ZNF470: variants seen among roughly 807,000 people sequenced by gnomAD.
ZNF470 encodes the protein zinc finger protein 470.
A neutral mutation model predicts 13.9 loss-of-function variants in ZNF470; 13 were observed. The ratio of observed to expected loss-of-function variants is 0.94; its 90% confidence interval spans 0.61 to 1.49. The LOEUF (loss-of-function observed/expected upper bound fraction) is 1.49, where lower values mean the gene tolerates loss of function less well. ZNF470 is among the 40% of genes most tolerant of loss of function. ZNF470 has a pLI of 0.00. For missense variants in ZNF470, 929 were observed against 857.3 expected (o/e 1.08, Z -1.04); for synonymous variants, 293 against 282.9 (o/e 1.04, Z -0.36).
In ZNF470 at chr19:56,582,156, G is replaced by A. The variant is rs1008593932; in HGVS notation, c.*3573G>A. On this transcript the variant is annotated 3_prime_UTR_variant, in exon 6 of 6. Coordinates refer to ENST00000330619, the MANE Select transcript of ZNF470 (RefSeq NM_001001668.4). ...TATTCTAGACTGGAAAGCATCTCAT[G>A]GTGTGCGATGAGCAAACGCCTGATT... The A allele has an allele frequency of 7.1e-6, 7 of 985,232 alleles. No homozygotes were observed. The highest frequency in any genetic ancestry group is 8.4e-6 in the Non-Finnish European group (7 of 829,928). The allele number at this position is 985,232 out of a possible 1,614,324, so 61.0% of individuals were successfully genotyped here.
intron 2 of ZNF470, among the ~76,000 whole-genome samples, chr19:56,569,844 G>C (rs2044437887): frequency 1.3e-5 from 2 of 152,062 alleles, no homozygotes; most frequent in South Asian, 4.1e-4. Flanking sequence ...AAAAAAACTA[G>C]CTGGGCATGG....
chr19:56,574,796 G>A lies in ZNF470; in HGVS notation c.283+63G>A, dbSNP rs754038691. The A allele has an allele frequency of 3.6e-4, 512 of 1,437,654 alleles. 1 individual carries two copies. Among genetic ancestry groups the A allele is most frequent in the Non-Finnish European group, 4.6e-4 (487 of 1,049,148 alleles). The allele number at this position is 1,437,654 out of a possible 1,614,324, so 89.1% of individuals were successfully genotyped here. Reference sequence around the variant, plus strand: ...CAACATGTTCTTGTCTCTGAAGTGTGTTGGAAAACACCTCTCAAACTCCCT... The same window carrying A: ...CAACATGTTCTTGTCTCTGAAGTGTATTGGAAAACACCTCTCAAACTCCCT... On this transcript the variant is annotated intron_variant, in intron 5 of 5. Coordinates refer to ENST00000330619, the MANE Select transcript of ZNF470 (RefSeq NM_001001668.4).
rs772549219 is a variant in ZNF470 at position 56,576,993 on chromosome 19, T to C, written c.564T>C (p.Tyr188=). ...GTVFHLNTLS[Y]IKQIFPMEER... is the part of the protein sequence containing the mutation. ...TTTTTCATCTGAATACATTATCTTATATAAAACAGATTTTTCCCATGGAAG... is the reference window on the plus strand; with the variant it reads ...TTTTTCATCTGAATACATTATCTTACATAAAACAGATTTTTCCCATGGAAG... Residue 188 remains tyrosine, a synonymous_variant, in exon 6 of 6, where the codon TAT becomes TAC. Transcript: ENST00000330619. 5 of 1,587,008 alleles carry C rather than the reference T, an allele frequency of 3.2e-6. No homozygotes were observed. Among genetic ancestry groups the C allele is most frequent in the Admixed American group, 3.9e-5 (2 of 51,808 alleles).
In ZNF470 at chr19:56,570,262, ACTTCTTTTTCTC is replaced by A. The variant is rs776359512; in HGVS notation, c.-32-16_-32-5del. ...TATTAGTGCTACTTGGTTTCTCACTACTTCTTTTTCTCCCCAGCTCTACAATCCCAGAGTAAA... is the reference window on the plus strand; with the variant it reads ...TATTAGTGCTACTTGGTTTCTCACTACCCAGCTCTACAATCCCAGAGTAAA... On this transcript the variant is annotated splice_polypyrimidine_tract_variant and splice_region_variant and intron_variant, in intron 2 of 5. Coordinates refer to ENST00000330619, the MANE Select transcript of ZNF470 (RefSeq NM_001001668.4). 9 of 1,574,756 alleles carry A rather than the reference ACTTCTTTTTCTC, an allele frequency of 5.7e-6. No homozygotes were observed. In the East Asian group the frequency reaches 2.0e-4, roughly 35 times the overall value.
rs1418726882 is a variant in ZNF470 at position 56,581,315 on chromosome 19, A to T, written c.*2732A>T. On this transcript the variant is annotated 3_prime_UTR_variant, in exon 6 of 6. Coordinates refer to ENST00000330619, the MANE Select transcript of ZNF470 (RefSeq NM_001001668.4). ...TATCTACTTTTTCCCCAAAAGACTG[A>T]CTAATCGAGTGATAACATTCAGTAT... is the stretch of plus-strand genomic sequence containing the variant. 1.2e-6 allele frequency: 1 copy of T among 816,206 alleles called. No homozygotes were observed. Among genetic ancestry groups the T allele is most frequent in the African/African-American group, 1.9e-5 (1 of 53,728 alleles). 50.6% of individuals were successfully genotyped at this position (816,206 alleles called of 1,614,324 possible). A position where few individuals can be genotyped will look rare whatever the true frequency, so the allele number is the denominator to read the frequency against.
chr19:56,574,577 A>G (rs2044476430), intron 4 of ZNF470, 57 bp downstream of exon 4: 1 of 1,611,648 alleles, frequency 6.2e-7, no homozygotes, highest in African/African-American at 1.3e-5. Flanking sequence ...TTATGCCATT[A>G]TCAGAATTTC....
intron 2 of ZNF470, among the ~76,000 whole-genome samples, chr19:56,569,432 G>A (rs2044434679): frequency 6.6e-6 from 1 of 152,146 alleles, no homozygotes; most frequent in African/African-American, 2.4e-5. Flanking sequence ...CACAAATCCT[G>A]GCCAACTGCA....
At chr19:56,572,579 A>G (rs1231536795) in intron 3 of ZNF470, among the ~76,000 whole-genome samples, 1 of 148,654 alleles carries the variant, frequency 6.7e-6, no homozygotes, top group Non-Finnish European at 1.5e-5. Flanking sequence ...CAGATTGGGG[A>G]AAAAGCCCCA....
At position 56,579,814 on chromosome 19, in the gene ZNF470, A is replaced by G. The variant is rs111506073; in HGVS notation, c.*1231A>G. On this transcript the variant is annotated 3_prime_UTR_variant, in exon 6 of 6. Transcript: ENST00000330619. Reference sequence around the variant, plus strand: ...ATAAAAATATTTCTCCCTAAATTGTAAATTCATTGATATTCCAGTAAAAAT... The same window carrying G: ...ATAAAAATATTTCTCCCTAAATTGTGAATTCATTGATATTCCAGTAAAAAT... 1 of 864,418 alleles carries G rather than the reference A, an allele frequency of 1.2e-6. No homozygotes were observed. The highest frequency in any genetic ancestry group is 1.4e-6 in the Non-Finnish European group (1 of 719,976). The allele number at this position is 864,418 out of a possible 1,614,324, so 53.5% of individuals were successfully genotyped here.
intron 3 of ZNF470, 58 bp from the exon 4 acceptor site, chr19:56,574,336 T>C (rs2044474215): frequency 6.2e-7 from 1 of 1,611,570 alleles, no homozygotes. Context: ...CTCTTTACCC[T>C]AGAGCTGCAT....
rs376475377 is a variant in ZNF470, at chr19:56,569,792, G to A, written c.-32-488G>A. Among the ~76,000 whole-genome samples the A allele has an allele frequency of 4.7e-4, 71 of 152,060 alleles. 1 individual carries two copies. In the South Asian group the frequency reaches 0.015, roughly 32 times the overall value. ...CTCCTGGCCTCAAGCAATATAGTGA[G>A]CAATTGGGCAATATAGTGAGACCCC... On this transcript the variant is annotated intron_variant, in intron 2 of 5. Transcript: ENST00000330619.
intron 3 of ZNF470, 24 bp from the exon 4 acceptor site, chr19:56,574,370 A>G (rs747270792): frequency 5.0e-6 from 8 of 1,613,240 alleles, no homozygotes; most frequent in Non-Finnish European, 6.8e-6. Context: ...CTGAGTGAGC[A>G]AGATCATATT....
Position 56,579,527 on chromosome 19 carries a change from C to G in ZNF470, c.*944C>G. On this transcript the variant is annotated 3_prime_UTR_variant, in exon 6 of 6. Coordinates refer to ENST00000330619, the MANE Select transcript of ZNF470 (RefSeq NM_001001668.4). Reference sequence around the variant, plus strand: ...CAAAAAAACTTGAATAGATTAATAGCCATGAAACACTGAAAAGGGTAGTTC... The same window carrying G: ...CAAAAAAACTTGAATAGATTAATAGGCATGAAACACTGAAAAGGGTAGTTC... 1 of 985,342 alleles carries G rather than the reference C, an allele frequency of 1.0e-6. No individual in the cohort carries two copies. Among genetic ancestry groups the G allele is most frequent in the Non-Finnish European group, 1.2e-6 (1 of 829,928 alleles). 61.0% of individuals were successfully genotyped at this position (985,342 alleles called of 1,614,324 possible).
chr19:56,576,801 A>T lies in ZNF470; in HGVS notation c.372A>T (p.Arg124Ser), dbSNP rs758265364. The stretch of plus-strand genomic sequence containing the variant: ...TACCCCCGGCAATCATAATGGAAAG[A>T]CTTAAAAGCTATGACCTTGAATGTT... Reference protein sequence around the residue: ...EKLPPAIIMERLKSYDLECST... With the variant: ...EKLPPAIIMESLKSYDLECST... Residue 124 changes from arginine to serine, a missense_variant, in exon 6 of 6, where the codon AGA becomes AGT. Coordinates refer to ENST00000330619, the MANE Select transcript of ZNF470 (RefSeq NM_001001668.4). The T allele has an allele frequency of 6.4e-7, 1 of 1,571,620 alleles. No individual in the cohort carries two copies. Among genetic ancestry groups the T allele is most frequent in the Non-Finnish European group, 8.6e-7 (1 of 1,165,818 alleles).
intron 3 of ZNF470, 54 bp downstream of exon 3, chr19:56,570,425 G>T (rs2044443946): frequency 6.5e-7 from 1 of 1,541,734 alleles, no homozygotes; most frequent in Admixed American, 1.7e-5. Context: ...TTCTGGATTT[G>T]GTAATACTTG....
In ZNF470 at chr19:56,567,934, C is replaced by T; in HGVS notation, c.-263C>T. 1.0e-6 allele frequency: 1 copy of T among 985,768 alleles called. No individual in the cohort carries two copies. The highest frequency in any genetic ancestry group is 1.2e-6 in the Non-Finnish European group (1 of 830,218). 61.1% of individuals were successfully genotyped at this position (985,768 alleles called of 1,614,324 possible). A position where few individuals can be genotyped will look rare whatever the true frequency, so the allele number is the denominator to read the frequency against. ...AGTTGCCCGGGCGGGGCAGCCTCGG[C>T]TGAAGCATTTCCTGTCAGCCCTATC... On this transcript the variant is annotated 5_prime_UTR_variant, in exon 1 of 6. Transcript: ENST00000330619.
In ZNF470 at chr19:56,578,433, G is replaced by C. The variant is rs149831867; in HGVS notation, c.2004G>C (p.Lys668Asn). ...AGGTTGCCCATCTTACTCTACATAA[G>C]AGAATTCATACTGGAGAAAGGCCCT... ...FSQVAHLTLH[K>N]RIHTGERPYE... Residue 668 changes from lysine to asparagine, a missense_variant, in exon 6 of 6, where the codon AAG becomes AAC. Lys to Asn is a moderately conservative substitution (Grantham distance 94). Coordinates refer to ENST00000330619, the MANE Select transcript of ZNF470 (RefSeq NM_001001668.4). The C allele has an allele frequency of 1.9e-6, 3 of 1,612,550 alleles. No individual in the cohort carries two copies. Among genetic ancestry groups the C allele is most frequent in the South Asian group, 1.1e-5 (1 of 90,934 alleles).
intron 3 of ZNF470, chr19:56,573,891 T>G: frequency 1.1e-6 from 1 of 905,342 alleles, no homozygotes; most frequent in South Asian, 5.1e-5. Flanking sequence ...GCTAGGTGTT[T>G]TTTTCCTTTC....
intron 3 of ZNF470, chr19:56,574,181 G>T: frequency 2.5e-6 from 2 of 805,538 alleles, no homozygotes; most frequent in Non-Finnish European, 4.0e-6. Context: ...AGAGCAAGGA[G>T]TATCTCATTT....
Sources: allele counts gnomAD v4.1 joint callset (sites outside exome capture counted in the v4.1 genomes callset), GRCh38; gene constraint gnomAD v4.1.1; transcripts MANE v1.5; gene names NCBI Gene and HGNC (gene_info 2026-07-23, HGNC 2026-07-21).